WDR70: variants seen among roughly 807,000 people sequenced by gnomAD.
WDR70 encodes WD repeat domain 70, also known as WD repeat-containing protein 70.
A neutral mutation model predicts 88.6 loss-of-function variants in WDR70; 53 were observed. The observed-to-expected ratio is 0.60, with a 90% CI of 0.48 to 0.75. The LOEUF (loss-of-function observed/expected upper bound fraction) is 0.75, where lower values mean the gene tolerates loss of function less well. WDR70 is among the 30% of genes least tolerant of loss of function. WDR70 has a pLI of 0.00. For synonymous variants in WDR70, 280 were observed against 270.0 expected (o/e 1.04, Z -0.36); for missense variants, 610 against 823.2 (o/e 0.74, Z 3.17).
chr5:37,499,118 C>CT lies in WDR70; in HGVS notation c.841-17383dup, dbSNP rs1249708604. Among the ~76,000 whole-genome samples, 132 of 144,588 alleles carry CT rather than the reference C, an allele frequency of 9.1e-4. 1 individual carries two copies. The highest frequency in any genetic ancestry group is 1.8e-3 in the East Asian group (9 of 5,022). 94.9% of individuals were successfully genotyped at this position (144,588 alleles called of 152,430 possible). A position where few individuals can be genotyped will look rare whatever the true frequency, so the allele number is the denominator to read the frequency against. On this transcript the variant is annotated intron_variant, in intron 8 of 17. Coordinates refer to ENST00000265107, the MANE Select transcript of WDR70 (RefSeq NM_018034.4). ...TGAGCATCTTTTCATGTTTGTCATTCTTTTTTTTTTTTTGAGATGAAGTCT... is the reference window on the plus strand; with the variant it reads ...TGAGCATCTTTTCATGTTTGTCATTCTTTTTTTTTTTTTTGAGATGAAGTCT...
At chr5:37,447,263 G>A (rs1738515212) in intron 7 of WDR70, among the ~76,000 whole-genome samples, 2 of 152,164 alleles carry the variant, frequency 1.3e-5, no homozygotes, top group African/African-American at 2.4e-5. Context: ...AGTTAGAATG[G>A]TGATCATTAC....
chr5:37,748,101 C>G (rs1463268370), intron 17 of WDR70, among the ~76,000 whole-genome samples: 1 of 152,192 alleles, frequency 6.6e-6, no homozygotes. Context: ...TGCCATCAAA[C>G]TACTGTTGAC....
chr5:37,601,394 C>T (rs1743877904), intron 9 of WDR70, among the ~76,000 whole-genome samples: 1 of 152,166 alleles, frequency 6.6e-6, no homozygotes, highest in Admixed American at 6.5e-5. Flanking sequence ...GGTGAATTAT[C>T]TTCTTCATAA....
chr5:37,528,539 T>A (rs1741375840), intron 9 of WDR70, among the ~76,000 whole-genome samples: 1 of 152,068 alleles, frequency 6.6e-6, no homozygotes, highest in Non-Finnish European at 1.5e-5. Context: ...AATGATGAGT[T>A]AATGGGTGGA....
At chr5:37,526,758 TTAAGCTGA>T (rs1363385178) in intron 9 of WDR70, among the ~76,000 whole-genome samples, 15 of 152,196 alleles carry the variant, frequency 9.9e-5, no homozygotes, top group African/African-American at 3.6e-4. Flanking sequence ...CCAAATCTCC[TTAAGCTGA>T]TAAGCAACTT....
intron 9 of WDR70, among the ~76,000 whole-genome samples, chr5:37,595,549 T>A (rs914601448): frequency 6.6e-6 from 1 of 152,180 alleles, no homozygotes; most frequent in African/African-American, 2.4e-5. Flanking sequence ...TAATCTCAAT[T>A]AAATTCCAGT....
intron 9 of WDR70, among the ~76,000 whole-genome samples, chr5:37,553,630 T>A (rs1004774199): frequency 6.6e-6 from 1 of 152,238 alleles, no homozygotes. Context: ...TATGTGCAAA[T>A]CACCACCTTT....
In WDR70 at chr5:37,423,116, T is replaced by C. The variant is rs190288269; in HGVS notation, c.493-14806T>C. Among the ~76,000 whole-genome samples the C allele has an allele frequency of 8.9e-4, 135 of 152,240 alleles. 1 individual carries two copies. The highest frequency in any genetic ancestry group is 5.8e-4 in the East Asian group (3 of 5,176). On this transcript the variant is annotated intron_variant, in intron 5 of 17. Transcript: ENST00000265107. ...GGGGGCCTTCTCAGTGACAAGGTAG[T>C]GTTCACAGTTCCAGATGTGAATAAA...
At chr5:37,740,949 A>T (rs1581540658) in intron 17 of WDR70, among the ~76,000 whole-genome samples, 2 of 152,238 alleles carry the variant, frequency 1.3e-5, no homozygotes, top group African/African-American at 4.8e-5. Context: ...TAGAATTCAG[A>T]GTAACACTTT....
At chr5:37,551,307 C>T (rs1055989613) in intron 9 of WDR70, among the ~76,000 whole-genome samples, 1 of 149,940 alleles carries the variant, frequency 6.7e-6, no homozygotes, top group Admixed American at 6.6e-5. Context: ...CTTTGTTCCC[C>T]CCCTCCGCAA....
intron 7 of WDR70, among the ~76,000 whole-genome samples, chr5:37,464,383 A>G (rs1175769140): frequency 1.3e-5 from 2 of 152,220 alleles, no homozygotes; most frequent in Admixed American, 1.3e-4. Context: ...CAGTTTGATT[A>G]ATTGCCTGAA....
At chr5:37,624,184 A>C (rs750331907) in intron 10 of WDR70, among the ~76,000 whole-genome samples, 1 of 152,114 alleles carries the variant, frequency 6.6e-6, no homozygotes, top group Non-Finnish European at 1.5e-5. Context: ...TCTGTTAACA[A>C]ATCTCTTTCT....
chr5:37,513,751 AT>A (rs1237261387), intron 8 of WDR70, among the ~76,000 whole-genome samples: 1 of 152,122 alleles, frequency 6.6e-6, no homozygotes, highest in Non-Finnish European at 1.5e-5. Context: ...CCAGTCTCTC[AT>A]TTCACATTTT....
chr5:37,462,941 G>A (rs1255720788), intron 7 of WDR70, among the ~76,000 whole-genome samples: 2 of 152,068 alleles, frequency 1.3e-5, no homozygotes, highest in Middle Eastern at 3.2e-3. Flanking sequence ...TCTCTGTATA[G>A]TGTTGCCATC....
chr5:37,567,776 T>C (rs1742787012), intron 9 of WDR70, among the ~76,000 whole-genome samples: 1 of 152,152 alleles, frequency 6.6e-6, no homozygotes. Context: ...CAGTGTTCTA[T>C]CTTTGTCTCT....
intron 8 of WDR70, among the ~76,000 whole-genome samples, chr5:37,488,890 A>T (rs764666842): frequency 1.3e-5 from 2 of 152,038 alleles, no homozygotes; most frequent in East Asian, 1.9e-4. Context: ...TTACATTGTT[A>T]TCTGTGCAAC....
intron 7 of WDR70, among the ~76,000 whole-genome samples, chr5:37,448,296 A>T (rs1239353480): frequency 6.6e-6 from 1 of 152,122 alleles, no homozygotes; most frequent in Non-Finnish European, 1.5e-5. Context: ...GCACAACATG[A>T]TGTAGGCTTC....
chr5:37,402,943 C>CTTTTTTTTTTT (rs1561838923), intron 5 of WDR70, among the ~76,000 whole-genome samples: 1 of 41,714 alleles, frequency 2.4e-5, no homozygotes, highest in African/African-American at 8.3e-5. Context: ...TCCCTCCCTC[C>CTTTTTTTTTTT]GTTTTTTTTT....
intron 7 of WDR70, among the ~76,000 whole-genome samples, chr5:37,453,798 T>C (rs976865024): frequency 2.2e-4 from 33 of 152,202 alleles, no homozygotes; most frequent in Non-Finnish European, 3.4e-4. Flanking sequence ...AAATTTTATC[T>C]TATTAAGATC....
Sources: gnomAD v4.1 joint callset for allele counts (sites outside exome capture counted in the v4.1 genomes callset) on GRCh38, gnomAD v4.1.1 for gene constraint, MANE v1.5 for transcripts, NCBI Gene and HGNC (gene_info 2026-07-23, HGNC 2026-07-21) for gene names.